FABP6: variants seen among roughly 807,000 people sequenced by gnomAD.
The protein encoded by FABP6 is gastrotropin.
Under a neutral mutation model 14.9 loss-of-function variants are expected in FABP6, and 13 were observed. The ratio of observed to expected loss-of-function variants is 0.87; its 90% CI spans 0.57 to 1.39. FABP6 has a LOEUF of 1.39. Ranked by LOEUF, FABP6 falls within the 40% of genes most tolerant of loss-of-function variation. FABP6 has a pLI of 0.00. For synonymous variants in FABP6, 75 were observed against 63.6 expected (o/e 1.18, Z -0.85); for missense variants, 161 against 167.2 (o/e 0.96, Z 0.20).
In FABP6 at chr5:160,232,244, A is replaced by C. The variant is rs755524837; in HGVS notation, c.214A>C (p.Ile72Leu). The change falls in exon 2 of 4, where the codon ATA becomes CTA. Residue 72 changes from isoleucine (I) to leucine (L), a missense_variant. Coordinates refer to ENST00000402432, the MANE Select transcript of FABP6 (RefSeq NM_001445.3). ...NKFTVGKESN[I>L]QTMGGKTFKA... ...GTTCACTGTTGGCAAGGAAAGCAAC[A>C]TACAGACAATGGGGGGCAAGACGTT... The C allele has an allele frequency of 1.9e-6, 3 of 1,611,678 alleles. No homozygotes were observed. The South Asian group carries it at 3.3e-5, about 18-fold the overall frequency.
At chr5:160,201,274 C>G (rs996619483) in intron 2 of FABP6, among the ~76,000 whole-genome samples, 2 of 152,010 alleles carry the variant, frequency 1.3e-5, no homozygotes, top group Admixed American at 1.3e-4. Context: ...GGGAGGATCA[C>G]TTGTGTCCAG....
chr5:160,233,657 GA>G (rs2113145289), intron 2 of FABP6, among the ~76,000 whole-genome samples: 1 of 152,240 alleles, frequency 6.6e-6, no homozygotes, highest in South Asian at 2.1e-4. Context: ...GGCAGATCAC[GA>G]GGTTAGGAGT....
intron 3 of FABP6, among the ~76,000 whole-genome samples, chr5:160,214,213 A>G (rs1435907482): frequency 6.7e-6 from 1 of 150,250 alleles, no homozygotes; most frequent in African/African-American, 2.5e-5. Flanking sequence ...ACCCAGGCTG[A>G]AGTGCAGTGA....
chr5:160,228,615 A>G (rs1485093000), upstream of FABP6: 2 of 447,792 alleles, frequency 4.5e-6, no homozygotes, highest in South Asian at 3.1e-5. Flanking sequence ...AAGCTTGAAC[A>G]AAATAAAACT....
rs1159792789 is a variant in FABP6 at position 160,232,254 on chromosome 5, TG to T, written c.230del (p.Gly77AlafsTer17). 6.2e-7 allele frequency: 1 copy of T among 1,609,942 alleles called. No homozygotes were observed. The highest frequency in any genetic ancestry group is 1.1e-5 in the South Asian group (1 of 90,356). The stretch of plus-strand genomic sequence containing the variant: ...GGCAAGGAAAGCAACATACAGACAA[TG>T]GGGGGCAAGACGTTCAAGGTGAGAG... ...TVGKESNIQT[M>X]GGKTFKATVQ... On this transcript the variant is annotated frameshift_variant, in exon 2 of 4. Coordinates refer to ENST00000402432, the MANE Select transcript of FABP6 (RefSeq NM_001445.3). LOFTEE classifies it high-confidence loss of function.
chr5:160,193,437 G>A (rs6860032), intron 1 of FABP6, among the ~76,000 whole-genome samples: 34,254 of 151,960 alleles, frequency 0.23, 3,911 homozygotes, highest in South Asian at 0.25. Flanking sequence ...AAGGGGACCC[G>A]AGCGGGTTGC....
chr5:160,228,217 C>A (rs1267197937), upstream of FABP6, among the ~76,000 whole-genome samples: 2 of 151,966 alleles, frequency 1.3e-5, no homozygotes, highest in Non-Finnish European at 2.9e-5. Flanking sequence ...CGTGGAGAAA[C>A]CCCGTCTCTA....
chr5:160,203,527 C>T (rs1759691025), intron 2 of FABP6, among the ~76,000 whole-genome samples: 2 of 151,952 alleles, frequency 1.3e-5, no homozygotes, highest in South Asian at 2.1e-4. Flanking sequence ...TAACGATGCT[C>T]ACCTCATTTT....
intron 2 of FABP6, among the ~76,000 whole-genome samples, chr5:160,204,138 CAAAAA>C (rs67908380): frequency 4.9e-4 from 58 of 119,236 alleles, no homozygotes; most frequent in Non-Finnish European, 5.5e-4. Context: ...GACTCCATCT[CAAAAA>C]AAAAAAAAAA....
chr5:160,227,754 ACAGGAC>A (rs1760280122), upstream of FABP6, among the ~76,000 whole-genome samples: 1 of 151,740 alleles, frequency 6.6e-6, no homozygotes, highest in African/African-American at 2.4e-5. Context: ...GCCACCTCTG[ACAGGAC>A]TCTCACTTGC....
At chr5:160,213,336 C>T (rs1369890059) in intron 2 of FABP6, among the ~76,000 whole-genome samples, 1 of 152,204 alleles carries the variant, frequency 6.6e-6, no homozygotes, top group Non-Finnish European at 1.5e-5. Context: ...TACAAATAAG[C>T]AGGGACAAGA....
At chr5:160,197,604 A>G (rs975085190) in intron 1 of FABP6, 1 of 152,186 alleles carries the variant, frequency 6.6e-6, no homozygotes, top group Non-Finnish European at 1.5e-5. Context: ...GGCGCCGATC[A>G]TTCTTTGTTA....
exon 3 of FABP6, chr5:160,213,776 G>A (rs200928371): frequency 3.0e-5 from 48 of 1,613,762 alleles, no homozygotes; most frequent in East Asian, 4.5e-5. Flanking sequence ...TGGGTGAGCC[G>A]GAAAGGAGAC....
intron 3 of FABP6, chr5:160,213,845 G>A (rs1204949909): frequency 1.3e-6 from 2 of 1,572,098 alleles, no homozygotes; most frequent in South Asian, 1.1e-5. Context: ...AGGGAGGGAA[G>A]GGTTCCTGAC....
At chr5:160,191,981 GAAAAAAAAGA>G (rs1561738061) in intron 1 of FABP6, among the ~76,000 whole-genome samples, 1 of 148,604 alleles carries the variant, frequency 6.7e-6, no homozygotes, top group South Asian at 2.1e-4. Context: ...CTCAAAAAAA[GAAAAAAAAGA>G]AAAAAAAAGA....
upstream of FABP6, among the ~76,000 whole-genome samples, chr5:160,227,573 C>G (rs1760276911): frequency 6.7e-6 from 1 of 149,646 alleles, no homozygotes; most frequent in South Asian, 2.1e-4. Flanking sequence ...GTAGTCCCAG[C>G]TGTTTGGGAG....
chr5:160,234,941 T>C (rs551893394), intron 3 of FABP6, 32 bp downstream of exon 3: 57 of 1,590,474 alleles, frequency 3.6e-5, no homozygotes, highest in African/African-American at 2.7e-4. Context: ...GGGATGATTA[T>C]TGGATATTTG....
chr5:160,204,009 T>C (rs998784899), intron 2 of FABP6, among the ~76,000 whole-genome samples: 1 of 152,052 alleles, frequency 6.6e-6, no homozygotes, highest in Non-Finnish European at 1.5e-5. Flanking sequence ...CCTCAGACAC[T>C]ATATTTCATC....
At position 160,232,259 on chromosome 5, in the gene FABP6, G is replaced by A; in HGVS notation, c.229G>A (p.Gly77Ser). ...GKESNIQTMG[G>S]KTFKATVQME... ...GGAAAGCAACATACAGACAATGGGGGGCAAGACGTTCAAGGTGAGAGGCCA... is the reference window on the plus strand; with the variant it reads ...GGAAAGCAACATACAGACAATGGGGAGCAAGACGTTCAAGGTGAGAGGCCA... Residue 77 changes from glycine (G) to serine (S), a missense_variant, in exon 2 of 4, where the codon GGC becomes AGC. By Grantham distance (56) the Gly-to-Ser change is moderately conservative. Coordinates refer to ENST00000402432, the MANE Select transcript of FABP6 (RefSeq NM_001445.3). The A allele has an allele frequency of 6.2e-7, 1 of 1,608,606 alleles. No homozygotes were observed. The highest frequency in any genetic ancestry group is 8.5e-7 in the Non-Finnish European group (1 of 1,177,318).
Sources: allele counts gnomAD v4.1 joint callset (sites outside exome capture counted in the v4.1 genomes callset), GRCh38; gene constraint gnomAD v4.1.1; transcripts MANE v1.5; gene names NCBI Gene and HGNC (gene_info 2026-07-23, HGNC 2026-07-21).